ADAMTS12: variants seen among roughly 807,000 people sequenced by gnomAD.
ADAMTS12 encodes ADAM metallopeptidase with thrombospondin type 1 motif 12, also known as A disintegrin and metalloproteinase with thrombospondin motifs 12.
ADAMTS12 carries 118 observed loss-of-function variants against 167.8 expected under a neutral mutation model. The ratio of observed to expected loss-of-function variants is 0.70; its 90% CI spans 0.61 to 0.82. The LOEUF is 0.82. Among genes scored for constraint, ADAMTS12 ranks in the 40% least tolerant of loss-of-function variants. The probability of loss-of-function intolerance (pLI) is 0.00; values close to 1 mark genes in which losing one functional copy is unlikely to be tolerated. For missense variants in ADAMTS12, 1,916 were observed against 1,998.8 expected, an observed-to-expected ratio of 0.96 and a Z score of 0.79; for synonymous variants, 704 against 716.9, an observed-to-expected ratio of 0.98 and a Z score of 0.29.
chr5:33,765,988 T>G (rs550399026), intron 2 of ADAMTS12, among the ~76,000 whole-genome samples: 1 of 152,266 alleles, frequency 6.6e-6, no homozygotes, highest in Non-Finnish European at 1.5e-5. Flanking sequence ...AGGTAAATCT[T>G]CGGTTGTTCT....
chr5:33,859,039 C>T (rs920733163), intron 2 of ADAMTS12, among the ~76,000 whole-genome samples: 1 of 152,204 alleles, frequency 6.6e-6, no homozygotes, highest in Non-Finnish European at 1.5e-5. Context: ...CCCTCAGGTG[C>T]CTATGCCACC....
At chr5:33,622,551 G>A (rs940373667) in intron 14 of ADAMTS12, among the ~76,000 whole-genome samples, 2 of 152,168 alleles carry the variant, frequency 1.3e-5, no homozygotes, top group African/African-American at 4.8e-5. Context: ...CTACTCGGGA[G>A]GCTGAGGCAG....
chr5:33,783,512 C>T (rs978093591), intron 2 of ADAMTS12, among the ~76,000 whole-genome samples: 1 of 151,574 alleles, frequency 6.6e-6, no homozygotes, highest in African/African-American at 2.4e-5. Flanking sequence ...AAAATAAAAT[C>T]CAATTACTAA....
intron 14 of ADAMTS12, among the ~76,000 whole-genome samples, chr5:33,622,765 C>T (rs1739396942): frequency 6.6e-6 from 1 of 152,204 alleles, no homozygotes; most frequent in African/African-American, 2.4e-5. Flanking sequence ...AAAATATTTA[C>T]AAAACACCTT....
At chr5:33,731,915 A>G (rs373398145) in intron 3 of ADAMTS12, among the ~76,000 whole-genome samples, 9 of 152,354 alleles carry the variant, frequency 5.9e-5, no homozygotes, top group East Asian at 5.8e-4. Flanking sequence ...TTTATTGTCA[A>G]TATCAGAGAA....
chr5:33,580,185 T>C (rs1446268141), intron 18 of ADAMTS12, among the ~76,000 whole-genome samples: 3 of 152,250 alleles, frequency 2.0e-5, no homozygotes, highest in African/African-American at 7.2e-5. Context: ...TGTATTAGTT[T>C]GTTTTCATGC....
intron 2 of ADAMTS12, among the ~76,000 whole-genome samples, chr5:33,804,241 G>C (rs1374314047): frequency 6.6e-6 from 1 of 152,182 alleles, no homozygotes; most frequent in African/African-American, 2.4e-5. Flanking sequence ...CATATATAGA[G>C]TTCCCTGCCC....
chr5:33,728,107 AT>A (rs2112347487), intron 3 of ADAMTS12, among the ~76,000 whole-genome samples: 1 of 152,326 alleles, frequency 6.6e-6, no homozygotes, highest in South Asian at 2.1e-4. Flanking sequence ...CAACAGTTAA[AT>A]GACTGTTGGA....
At chr5:33,845,853 A>T (rs1012087529) in intron 2 of ADAMTS12, among the ~76,000 whole-genome samples, 1 of 152,214 alleles carries the variant, frequency 6.6e-6, no homozygotes, top group African/African-American at 2.4e-5. Context: ...GGCTGATATC[A>T]CACAGTGAGA....
chr5:33,714,537 T>C (rs1287715625), intron 3 of ADAMTS12, among the ~76,000 whole-genome samples: 1 of 152,030 alleles, frequency 6.6e-6, no homozygotes, highest in Non-Finnish European at 1.5e-5. Context: ...AGCCAAGATA[T>C]GGAATCAACC....
chr5:33,731,257 C>T (rs534966197), intron 3 of ADAMTS12, among the ~76,000 whole-genome samples: 1 of 148,338 alleles, frequency 6.7e-6, no homozygotes, highest in African/African-American at 2.5e-5. Flanking sequence ...GTGATCTCGG[C>T]TCACTGCAAC....
At chr5:33,832,932 T>C (rs999402232) in intron 2 of ADAMTS12, among the ~76,000 whole-genome samples, 3 of 146,806 alleles carry the variant, frequency 2.0e-5, no homozygotes, top group African/African-American at 8.0e-5. Flanking sequence ...CACTTGCTTA[T>C]TCCTCTATCT....
At chr5:33,864,578 G>T (rs1175045173) in intron 2 of ADAMTS12, among the ~76,000 whole-genome samples, 4 of 152,124 alleles carry the variant, frequency 2.6e-5, no homozygotes, top group Non-Finnish European at 5.9e-5. Flanking sequence ...GCAAAGACTA[G>T]GAACCAACCC....
At chr5:33,849,594 A>G (rs202211770) in intron 2 of ADAMTS12, among the ~76,000 whole-genome samples, 3,952 of 63,056 alleles carry the variant, frequency 0.063, 240 homozygotes, top group East Asian at 0.39. Context: ...CAATACACAT[A>G]TGTATTGCAT....
chr5:33,694,651 T>C (rs1742685748), intron 3 of ADAMTS12, among the ~76,000 whole-genome samples: 2 of 91,928 alleles, frequency 2.2e-5, no homozygotes, highest in South Asian at 5.5e-4. Flanking sequence ...AAGAACACTT[T>C]AGTCTAGAGA....
At chr5:33,632,094 G>A (rs72739437) in intron 12 of ADAMTS12, among the ~76,000 whole-genome samples, 20,229 of 91,922 alleles carry the variant, frequency 0.22, 1,716 homozygotes, top group Non-Finnish European at 0.34. Context: ...ACTTGAGACT[G>A]AGGTCAAAAA....
intron 3 of ADAMTS12, among the ~76,000 whole-genome samples, chr5:33,731,599 G>A (rs1465218922): frequency 6.6e-6 from 1 of 152,188 alleles, no homozygotes; most frequent in East Asian, 1.9e-4. Flanking sequence ...CAAATCCTAG[G>A]ACATCAGGAA....
At position 33,671,854 on chromosome 5, in the gene ADAMTS12, A is replaced by C. The variant is rs571403939; in HGVS notation, c.916-9814T>G. 9.5e-4 allele frequency among the ~76,000 whole-genome samples: 143 copies of C among 150,696 alleles called. 1 individual carries two copies. The highest frequency in any genetic ancestry group is 3.5e-3 in the Middle Eastern group (1 of 286). ...CACCCACACACTCACATACACACAC[A>C]CCCCCACATACACACACACACAACC... On this transcript the variant is annotated intron_variant, in intron 5 of 23. Coordinates refer to ENST00000504830, the MANE Select transcript of ADAMTS12 (RefSeq NM_030955.4).
intron 22 of ADAMTS12, among the ~76,000 whole-genome samples, chr5:33,545,159 A>C (rs1040270501): frequency 6.6e-6 from 1 of 152,256 alleles, no homozygotes; most frequent in Non-Finnish European, 1.5e-5. Flanking sequence ...AAAGAAATTT[A>C]CAAGAAAACA....
Sources: allele counts gnomAD v4.1 joint callset (sites outside exome capture counted in the v4.1 genomes callset), GRCh38; gene constraint gnomAD v4.1.1; transcripts MANE v1.5; gene names NCBI Gene and HGNC (gene_info 2026-07-23, HGNC 2026-07-21).